Variants in CERS3 observed in about 807,000 individuals in gnomAD.
CERS3 encodes LAG1 homolog, ceramide synthase 3.
CERS3 carries 33 observed loss-of-function variants against 50.3 expected under a neutral mutation model. That is an observed-to-expected ratio of 0.66 (90% CI 0.50 to 0.88). CERS3 has a LOEUF of 0.88. CERS3 is among the 40% of genes least tolerant of loss of function. CERS3 has a pLI of 0.00. For synonymous variants in CERS3, 176 were observed against 155.2 expected, an observed-to-expected ratio of 1.13 and a Z score of -0.99; for missense variants, 470 against 460.3, an observed-to-expected ratio of 1.02 and a Z score of -0.19.
chr15:100,441,848 T>C (rs1181114220), intron 11 of CERS3, among the ~76,000 whole-genome samples: 1 of 151,738 alleles, frequency 6.6e-6, no homozygotes, highest in Non-Finnish European at 1.5e-5. Flanking sequence ...ATCTTCCTTC[T>C]TTCCCTCCCG....
chr15:100,440,303 T>G (rs759928005), intron 11 of CERS3, among the ~76,000 whole-genome samples: 4 of 152,216 alleles, frequency 2.6e-5, no homozygotes, highest in Non-Finnish European at 4.4e-5. Flanking sequence ...CCCTGTGACC[T>G]GCACATACAC....
intron 11 of CERS3, among the ~76,000 whole-genome samples, chr15:100,453,300 C>A (rs961406909): frequency 6.6e-6 from 1 of 152,096 alleles, no homozygotes; most frequent in South Asian, 2.1e-4. Flanking sequence ...AGATAACATA[C>A]CATGGCCAAG....
In CERS3 at chr15:100,402,780, A is replaced by C. The variant is rs1406686382; in HGVS notation, c.1085T>G (p.Met362Arg). The change falls in exon 12 of 12, where the codon ATG becomes AGG. Residue 362 changes from methionine (M) to arginine (R), a missense_variant. Coordinates refer to ENST00000679737, the MANE Select transcript of CERS3 (RefSeq NM_001378789.1). The stretch of plus-strand genomic sequence containing the variant: ...CCTGAGGCCGTTCTTTAAACAATCC[A>C]TCTCTTTGCCTTTGGTAGCCTCTTC... ...EEEEATKGKE[M>R]DCLKNGLRAE... 1 of 1,613,972 alleles carries C rather than the reference A, an allele frequency of 6.2e-7. No individual in the cohort carries two copies. Among genetic ancestry groups the C allele is most frequent in the East Asian group, 2.2e-5 (1 of 44,876 alleles).
intron 1 of CERS3, among the ~76,000 whole-genome samples, chr15:100,525,466 T>C (rs1023569996): frequency 2.6e-5 from 4 of 152,208 alleles, no homozygotes; most frequent in African/African-American, 7.2e-5. Context: ...CAAATCTCCT[T>C]CTTATCAGAG....
intron 11 of CERS3, among the ~76,000 whole-genome samples, chr15:100,436,121 G>T (rs536398873): frequency 6.6e-6 from 1 of 151,964 alleles, no homozygotes; most frequent in Non-Finnish European, 1.5e-5. Flanking sequence ...CCCATTACTG[G>T]GTATATACCC....
chr15:100,415,055 C>A (rs921752246), intron 11 of CERS3, among the ~76,000 whole-genome samples: 1 of 152,070 alleles, frequency 6.6e-6, no homozygotes, highest in Non-Finnish European at 1.5e-5. Context: ...GGGCTAATAT[C>A]CAGAACCTAC....
chr15:100,525,927 C>T (rs1189291579), intron 1 of CERS3, among the ~76,000 whole-genome samples: 1 of 152,146 alleles, frequency 6.6e-6, no homozygotes, highest in Non-Finnish European at 1.5e-5. Context: ...CATCCTGGGT[C>T]CATCCAGTAA....
At chr15:100,442,526 A>G (rs55743331) in intron 11 of CERS3, among the ~76,000 whole-genome samples, 3,122 of 152,280 alleles carry the variant, frequency 0.021, 123 homozygotes, top group African/African-American at 0.07. Context: ...GCGGCCAGGC[A>G]TTCCTCCAGA....
intron 10 of CERS3, among the ~76,000 whole-genome samples, chr15:100,464,859 A>G (rs2034663054): frequency 6.6e-6 from 1 of 152,192 alleles, no homozygotes. Context: ...TGTTAATGAA[A>G]CAATGCTTAG....
intron 9 of CERS3, among the ~76,000 whole-genome samples, chr15:100,472,546 G>A (rs990519006): frequency 6.6e-6 from 1 of 152,130 alleles, no homozygotes; most frequent in African/African-American, 2.4e-5. Flanking sequence ...TTCAAGCATT[G>A]GCCTAAGTGA....
At chr15:100,497,954 C>T (rs548567030) in intron 3 of CERS3, among the ~76,000 whole-genome samples, 6 of 144,834 alleles carry the variant, frequency 4.1e-5, no homozygotes, top group African/African-American at 1.0e-4. Flanking sequence ...AGTGCAGTGG[C>T]GTGATCTCGG....
intron 10 of CERS3, among the ~76,000 whole-genome samples, chr15:100,456,730 T>C (rs1027028334): frequency 6.6e-6 from 1 of 152,134 alleles, no homozygotes; most frequent in African/African-American, 2.4e-5. Flanking sequence ...ACAGATCACC[T>C]GAGGTCAGGA....
chr15:100,433,253 A>G (rs1470172827), intron 11 of CERS3, among the ~76,000 whole-genome samples: 1 of 151,440 alleles, frequency 6.6e-6, no homozygotes, highest in Non-Finnish European at 1.5e-5. Flanking sequence ...AAAAAAAAAA[A>G]TTCAATTCAA....
intron 11 of CERS3, among the ~76,000 whole-genome samples, chr15:100,442,270 G>A (rs903963030): frequency 3.3e-5 from 5 of 152,120 alleles, no homozygotes; most frequent in African/African-American, 4.8e-5. Flanking sequence ...CAAAAGGGCC[G>A]TCTTATTCTC....
chr15:100,404,481 A>G (rs1009759261), intron 11 of CERS3, among the ~76,000 whole-genome samples: 2 of 152,212 alleles, frequency 1.3e-5, no homozygotes, highest in African/African-American at 4.8e-5. Context: ...AAGAAGACCT[A>G]AATAGTTGGA....
chr15:100,466,787 T>TC (rs2034740718), intron 10 of CERS3, among the ~76,000 whole-genome samples: 1 of 35,118 alleles, frequency 2.8e-5, no homozygotes, highest in Non-Finnish European at 5.9e-5. Context: ...CTTCCTTCCT[T>TC]CCTTCCTCCC....
At chr15:100,490,671 G>T in intron 4 of CERS3, 146 bp downstream of exon 4, 1 of 608,142 alleles carries the variant, frequency 1.6e-6, no homozygotes, top group Non-Finnish European at 2.9e-6. Flanking sequence ...CCTGTCAACA[G>T]AACAAAGAAA....
intron 11 of CERS3, among the ~76,000 whole-genome samples, chr15:100,450,711 T>C (rs558090471): frequency 6.6e-6 from 1 of 152,274 alleles, no homozygotes; most frequent in Non-Finnish European, 1.5e-5. Context: ...AGTTCAGAGA[T>C]TCACAAATAG....
intron 10 of CERS3, among the ~76,000 whole-genome samples, chr15:100,462,624 T>C (rs2142214301): frequency 6.6e-6 from 1 of 152,354 alleles, no homozygotes. Flanking sequence ...CTATCTGTTC[T>C]GTGTTTCAAA....
Sources: allele counts gnomAD v4.1 joint callset (sites outside exome capture counted in the v4.1 genomes callset), GRCh38; gene constraint gnomAD v4.1.1; transcripts MANE v1.5; gene names NCBI Gene and HGNC (gene_info 2026-07-23, HGNC 2026-07-21).